CDH18: variants seen among roughly 807,000 people sequenced by gnomAD.
CDH18 encodes the protein cadherin 18.
CDH18 carries 31 observed loss-of-function variants against 67.9 expected under a neutral mutation model. That is an observed-to-expected ratio of 0.46 (90% CI 0.34 to 0.62). CDH18 has a LOEUF of 0.62. Among genes scored for constraint, CDH18 ranks in the 20% least tolerant of loss-of-function variants. The probability of loss-of-function intolerance (pLI) is 0.01; values close to 1 mark genes in which losing one functional copy is unlikely to be tolerated. For synonymous variants in CDH18, 362 were observed against 347.2 expected (o/e 1.04, Z -0.48); for missense variants, 890 against 975.5 (o/e 0.91, Z 1.17).
At chr5:20,135,419 G>T (rs926633800) in intron 2 of CDH18, among the ~76,000 whole-genome samples, 1 of 152,112 alleles carries the variant, frequency 6.6e-6, no homozygotes, top group Non-Finnish European at 1.5e-5. Context: ...TTGTATTTCT[G>T]TGGGATCGGT....
intron 2 of CDH18, among the ~76,000 whole-genome samples, chr5:20,136,971 T>C (rs913685218): frequency 1.3e-5 from 2 of 152,218 alleles, no homozygotes; most frequent in Admixed American, 6.5e-5. Flanking sequence ...GTTAGTCTGA[T>C]GGACTTCCCT....
At chr5:19,613,104 C>T (rs1412258871) in intron 5 of CDH18, among the ~76,000 whole-genome samples, 3 of 152,060 alleles carry the variant, frequency 2.0e-5, no homozygotes, top group Non-Finnish European at 4.4e-5. Flanking sequence ...GAGATCACGC[C>T]ACTGCACTCC....
At chr5:19,633,436 T>C (rs903194561) in intron 5 of CDH18, among the ~76,000 whole-genome samples, 2 of 152,192 alleles carry the variant, frequency 1.3e-5, no homozygotes, top group African/African-American at 4.8e-5. Flanking sequence ...CCCAAATGGA[T>C]ATTCTCACCG....
rs529991242 is a variant in CDH18 at position 19,643,509 on chromosome 5, A to G, written c.644-30908T>C. Among the ~76,000 whole-genome samples the G allele has an allele frequency of 3.9e-5, 6 of 152,310 alleles. No homozygotes were observed. The South Asian group carries it at 1.0e-3, about 26-fold the overall frequency. On this transcript the variant is annotated intron_variant, in intron 5 of 12. Transcript: ENST00000382275. ...GTGTTATTCACCCTTTAAAAGAAGG[A>G]AATCTGCCACTTCCAATAACGTGGA...
At chr5:19,924,071 T>G (rs977840636) in intron 2 of CDH18, among the ~76,000 whole-genome samples, 3 of 152,216 alleles carry the variant, frequency 2.0e-5, no homozygotes, top group Non-Finnish European at 4.4e-5. Flanking sequence ...GCATGGAATA[T>G]AACCCATACA....
intron 1 of CDH18, among the ~76,000 whole-genome samples, chr5:20,451,627 TATGGTCTAAAA>T (rs1475614778): frequency 1.3e-5 from 2 of 152,304 alleles, no homozygotes; most frequent in East Asian, 3.9e-4. Context: ...TTGGCAAGAA[TATGGTCTAAAA>T]ATGGTATAAA....
At chr5:19,798,627 A>C (rs1292599856) in intron 3 of CDH18, among the ~76,000 whole-genome samples, 1 of 151,994 alleles carries the variant, frequency 6.6e-6, no homozygotes, top group East Asian at 1.9e-4. Flanking sequence ...AAAAGTTACC[A>C]TTTATCTCCA....
At chr5:19,673,762 T>C (rs1179367890) in intron 5 of CDH18, among the ~76,000 whole-genome samples, 1 of 152,092 alleles carries the variant, frequency 6.6e-6, no homozygotes, top group East Asian at 1.9e-4. Context: ...TTTACAATTA[T>C]AAACACATTT....
chr5:20,365,891 T>A (rs1261528282), intron 1 of CDH18, among the ~76,000 whole-genome samples: 1 of 152,182 alleles, frequency 6.6e-6, no homozygotes, highest in Non-Finnish European at 1.5e-5. Context: ...TTTTGCTACT[T>A]CTATAGACAG....
At chr5:19,875,022 G>T (rs1434323063) in intron 2 of CDH18, among the ~76,000 whole-genome samples, 1 of 152,158 alleles carries the variant, frequency 6.6e-6, no homozygotes, top group Non-Finnish European at 1.5e-5. Flanking sequence ...AGTGGAGTCT[G>T]AGAAGATGCT....
intron 1 of CDH18, among the ~76,000 whole-genome samples, chr5:20,550,570 T>C (rs1208020522): frequency 3.9e-5 from 6 of 152,210 alleles, no homozygotes; most frequent in Non-Finnish European, 5.9e-5. Flanking sequence ...AGCACAAGCA[T>C]GCCACATACT....
chr5:19,654,767 T>A (rs2150285168), intron 5 of CDH18, among the ~76,000 whole-genome samples: 1 of 152,260 alleles, frequency 6.6e-6, no homozygotes, highest in South Asian at 2.1e-4. Context: ...GGGATTTTAT[T>A]CCCGGAGGGA....
chr5:20,251,508 T>A lies in CDH18; in HGVS notation c.-518+3936A>T, dbSNP rs559231433. ...GTTTTCCTGCATCCAAAAAGTATTT[T>A]CAGACAAAAAAATTGTATTTGCAAT... is the stretch of plus-strand genomic sequence containing the variant. On this transcript the variant is annotated intron_variant, in intron 2 of 14. Transcript: ENST00000507958. Among the ~76,000 whole-genome samples the A allele has an allele frequency of 6.6e-5, 10 of 152,306 alleles. No individual in the cohort carries two copies. The South Asian group carries it at 2.1e-3, about 32-fold the overall frequency.
chr5:19,810,565 C>A (rs949740380), intron 3 of CDH18, among the ~76,000 whole-genome samples: 5 of 151,522 alleles, frequency 3.3e-5, no homozygotes, highest in Non-Finnish European at 5.9e-5. Context: ...TTCAAATAAA[C>A]AAGAACAAAG....
intron 2 of CDH18, among the ~76,000 whole-genome samples, chr5:20,051,478 A>G (rs1001184217): frequency 6.6e-6 from 1 of 151,984 alleles, no homozygotes; most frequent in African/African-American, 2.4e-5. Context: ...TGTATCTAAG[A>G]AAAAATGAGA....
rs1015596145 is a variant in CDH18 at position 20,524,448 on chromosome 5, A to T, written c.-580+51014T>A. On this transcript the variant is annotated intron_variant, in intron 1 of 14. Coordinates refer to the CDH18 transcript ENST00000507958. Reference sequence around the variant, plus strand: ...CCAAAGAGCTCTAAACTTTGACAGCACATTTTTTCTACATTTATTTCCACT... The same window carrying T: ...CCAAAGAGCTCTAAACTTTGACAGCTCATTTTTTCTACATTTATTTCCACT... 2.0e-5 allele frequency among the ~76,000 whole-genome samples: 3 copies of T among 152,302 alleles called. No homozygotes were observed. The East Asian group carries it at 5.8e-4, about 29-fold the overall frequency.
Position 19,827,100 on chromosome 5 carries a change from A to C in CDH18, c.228+11659T>G, listed in dbSNP as rs190026559. Among the ~76,000 whole-genome samples, 529 of 152,326 alleles carry C rather than the reference A, an allele frequency of 3.5e-3. 5 individuals carry two copies. Among genetic ancestry groups the C allele is most frequent in the African/African-American group, 0.012 (509 of 41,588 alleles). On this transcript the variant is annotated intron_variant, in intron 3 of 12. Transcript: ENST00000382275. Reference sequence around the variant, plus strand: ...TTGTTATTGTAATTTCAGACAAAACAGACTTTAAACCAATGAACAAAAAAG... The same window carrying C: ...TTGTTATTGTAATTTCAGACAAAACCGACTTTAAACCAATGAACAAAAAAG...
intron 3 of CDH18, among the ~76,000 whole-genome samples, chr5:19,811,126 G>C (rs543533917): frequency 9.0e-6 from 1 of 111,240 alleles, no homozygotes; most frequent in Non-Finnish European, 1.9e-5. Context: ...AAGAAAGAAA[G>C]AAAGAAAGAA....
At chr5:20,088,884 C>T (rs911362858) in intron 2 of CDH18, among the ~76,000 whole-genome samples, 1 of 152,132 alleles carries the variant, frequency 6.6e-6, no homozygotes, top group Non-Finnish European at 1.5e-5. Flanking sequence ...ATGTGACTCA[C>T]TACCCTTCAT....
Sources: gnomAD v4.1 joint callset for allele counts (sites outside exome capture counted in the v4.1 genomes callset) on GRCh38, gnomAD v4.1.1 for gene constraint, MANE v1.5 for transcripts, NCBI Gene and HGNC (gene_info 2026-07-23, HGNC 2026-07-21) for gene names.